CELF4: variants seen among roughly 807,000 people sequenced by gnomAD.
CELF4 encodes the protein CUGBP Elav-like family member 4, also known as CUG-BP- and ETR-3-like factor 4.
CELF4 carries 18 observed loss-of-function variants against 59.9 expected under a neutral mutation model. The ratio of observed to expected loss-of-function variants is 0.30; its 90% CI spans 0.21 to 0.45. The LOEUF (loss-of-function observed/expected upper bound fraction) is 0.45. CELF4 is among the 20% of genes least tolerant of loss of function. The pLI, the probability that CELF4 is intolerant of heterozygous loss-of-function variation, is 1.00. For synonymous variants in CELF4, 261 were observed against 267.1 expected (o/e 0.98, Z 0.22); for missense variants, 456 against 689.0 (o/e 0.66, Z 3.79).
intron 1 of CELF4, among the ~76,000 whole-genome samples, chr18:37,557,911 A>G (rs1303790675): frequency 1.3e-5 from 2 of 152,108 alleles, no homozygotes; most frequent in Non-Finnish European, 2.9e-5. Context: ...GAGAAGAGAT[A>G]CAAGGAAGGA....
intron 2 of CELF4, among the ~76,000 whole-genome samples, chr18:37,370,937 G>A (rs912858205): frequency 1.6e-4 from 24 of 152,178 alleles, no homozygotes; most frequent in African/African-American, 5.5e-4. Context: ...TGTCACACGT[G>A]TCTTCAAGCA....
intron 1 of CELF4, among the ~76,000 whole-genome samples, chr18:37,489,716 G>A (rs1279070304): frequency 6.6e-6 from 1 of 152,216 alleles, no homozygotes; most frequent in African/African-American, 2.4e-5. Flanking sequence ...GGGGCCCTTT[G>A]GGAACTCACA....
At chr18:37,473,300 G>C (rs1256336796) in intron 2 of CELF4, 1 of 152,202 alleles carries the variant, frequency 6.6e-6, no homozygotes, top group African/African-American at 2.4e-5. Context: ...CTGAAAGCCG[G>C]CCGACCCACT....
At chr18:37,383,359 C>G (rs1267463661) in intron 2 of CELF4, among the ~76,000 whole-genome samples, 1 of 152,104 alleles carries the variant, frequency 6.6e-6, no homozygotes, top group Non-Finnish European at 1.5e-5. Context: ...GACAGCGCCA[C>G]CCTGCATGGA....
intron 2 of CELF4, among the ~76,000 whole-genome samples, chr18:37,430,775 T>A (rs2099644451): frequency 6.6e-6 from 1 of 152,174 alleles, no homozygotes. Flanking sequence ...CCCCTCTAGT[T>A]GTGTCTCCCA....
At chr18:37,408,498 G>A (rs745594476) in intron 2 of CELF4, among the ~76,000 whole-genome samples, 833 of 52,068 alleles carry the variant, frequency 0.016, 37 homozygotes, top group African/African-American at 0.033. Context: ...GTGCCGGGGG[G>A]GGGCGCGGTG....
At chr18:37,365,180 TGAAGG>T (rs1488012054) in intron 2 of CELF4, among the ~76,000 whole-genome samples, 2 of 152,120 alleles carry the variant, frequency 1.3e-5, no homozygotes, top group Non-Finnish European at 2.9e-5. Flanking sequence ...CCAAGGGCTT[TGAAGG>T]CTCAACACAA....
chr18:37,547,425 G>C (rs1298180924), intron 1 of CELF4, among the ~76,000 whole-genome samples: 1 of 152,150 alleles, frequency 6.6e-6, no homozygotes, highest in African/African-American at 2.4e-5. Flanking sequence ...CCACCCCCTG[G>C]AGGCTGCCTC....
intron 1 of CELF4, among the ~76,000 whole-genome samples, chr18:37,528,472 C>G (rs2000699): frequency 0.48 from 72,588 of 152,038 alleles, 19,361 homozygotes; most frequent in East Asian, 0.8. Flanking sequence ...GTGAATTTCT[C>G]GACAATGCAA....
At chr18:37,258,654 T>G (rs2071898826) in intron 11 of CELF4, among the ~76,000 whole-genome samples, 1 of 151,706 alleles carries the variant, frequency 6.6e-6, no homozygotes, top group South Asian at 2.1e-4. Flanking sequence ...GACAGAGAGC[T>G]GGAGAGAGGA....
chr18:37,353,136 G>C lies in CELF4; in HGVS notation c.370-31255C>G, dbSNP rs953312252. ...CTTGGGAGGCTGAGGCAGGAGAATT[G>C]CTTGAACCCGGGAGGCGGAAGTTGC... On this transcript the variant is annotated intron_variant, in intron 2 of 12. Transcript: ENST00000420428. Among the ~76,000 whole-genome samples the C allele has an allele frequency of 1.2e-4, 18 of 150,704 alleles. No individual in the cohort carries two copies. In the East Asian group the frequency reaches 2.2e-3, roughly 18 times the overall value.
At chr18:37,270,114 T>C (rs992291012) in intron 8 of CELF4, among the ~76,000 whole-genome samples, 1 of 152,248 alleles carries the variant, frequency 6.6e-6, no homozygotes, top group African/African-American at 2.4e-5. Context: ...ACTCTCACCC[T>C]GTGAGGACGG....
intron 2 of CELF4, among the ~76,000 whole-genome samples, chr18:37,356,252 G>A (rs1481555507): frequency 8.5e-5 from 13 of 152,128 alleles, no homozygotes; most frequent in South Asian, 2.1e-4. Flanking sequence ...GCACTCATCC[G>A]CTTTTAAAAT....
chr18:37,524,746 T>G (rs1016415854), intron 1 of CELF4, among the ~76,000 whole-genome samples: 1 of 152,100 alleles, frequency 6.6e-6, no homozygotes, highest in African/African-American at 2.4e-5. Flanking sequence ...CAGCCCCTGC[T>G]CCCCAGCCGA....
chr18:37,427,216 G>A (rs1416931547), intron 2 of CELF4, among the ~76,000 whole-genome samples: 1 of 152,154 alleles, frequency 6.6e-6, no homozygotes, highest in African/African-American at 2.4e-5. Context: ...GCTGGCCTGG[G>A]GTAGGAGGTG....
At chr18:37,271,207 T>C (rs1161205925) in intron 7 of CELF4, among the ~76,000 whole-genome samples, 1 of 151,404 alleles carries the variant, frequency 6.6e-6, no homozygotes, top group East Asian at 1.9e-4. Flanking sequence ...GCACATAGAC[T>C]ACTCTCAGTG....
intron 3 of CELF4, among the ~76,000 whole-genome samples, chr18:37,286,526 A>G (rs1248735185): frequency 1.3e-5 from 2 of 152,138 alleles, no homozygotes; most frequent in East Asian, 1.9e-4. Flanking sequence ...TGAAAAACTC[A>G]GTGCTGGGGG....
chr18:37,456,989 T>G (rs1307060167), intron 2 of CELF4, among the ~76,000 whole-genome samples: 2 of 152,094 alleles, frequency 1.3e-5, no homozygotes, highest in Non-Finnish European at 2.9e-5. Context: ...CCAGGCTTTC[T>G]GTCACTGGGC....
chr18:37,381,488 G>T (rs2154569667), intron 2 of CELF4, among the ~76,000 whole-genome samples: 1 of 152,190 alleles, frequency 6.6e-6, no homozygotes, highest in South Asian at 2.1e-4. Context: ...TCCTTGAGGT[G>T]GGAGCCTTGC....
Sources: gnomAD v4.1 joint callset for allele counts (sites outside exome capture counted in the v4.1 genomes callset) on GRCh38, gnomAD v4.1.1 for gene constraint, MANE v1.5 for transcripts, NCBI Gene and HGNC (gene_info 2026-07-23, HGNC 2026-07-21) for gene names.